BICD1: variants seen among roughly 807,000 people sequenced by gnomAD.
The protein encoded by BICD1 is protein bicaudal D homolog 1.
BICD1 carries 35 observed loss-of-function variants against 92.5 expected under a neutral mutation model. That is an observed-to-expected ratio of 0.38 (90% CI 0.29 to 0.50). BICD1 has a LOEUF of 0.50. Ranked by LOEUF, BICD1 falls within the 20% of genes least tolerant of loss-of-function variation. The probability of loss-of-function intolerance (pLI) is 0.93; values close to 1 mark genes in which losing one functional copy is unlikely to be tolerated. For missense variants in BICD1, 950 were observed against 1,189.8 expected, an observed-to-expected ratio of 0.80 and a Z score of 2.97; for synonymous variants, 429 against 465.1, an observed-to-expected ratio of 0.92 and a Z score of 1.00.
intron 2 of BICD1, among the ~76,000 whole-genome samples, chr12:32,245,390 A>C (rs150343470): frequency 6.6e-6 from 1 of 152,094 alleles, no homozygotes; most frequent in East Asian, 1.9e-4. Context: ...TCAAGTGACT[A>C]TTTGAGGCCT....
At chr12:32,202,061 T>G (rs161965) in intron 1 of BICD1, among the ~76,000 whole-genome samples, 22,398 of 152,230 alleles carry the variant, frequency 0.15, 1,927 homozygotes, top group East Asian at 0.22. Context: ...TATATAATAC[T>G]TATGGAACAG....
intron 3 of BICD1, among the ~76,000 whole-genome samples, chr12:32,303,944 G>A (rs1348325036): frequency 1.3e-5 from 2 of 152,082 alleles, no homozygotes; most frequent in Admixed American, 6.5e-5. Context: ...GCGTGGTGAC[G>A]GGCACTTGTA....
chr12:32,376,015 G>C (rs919754183), intron 9 of BICD1, among the ~76,000 whole-genome samples: 6 of 151,230 alleles, frequency 4.0e-5, no homozygotes, highest in Non-Finnish European at 7.4e-5. Context: ...ATATAACAGA[G>C]TTTTAGAAAA....
intron 1 of BICD1, among the ~76,000 whole-genome samples, chr12:32,209,005 T>C (rs1945139857): frequency 6.6e-6 from 1 of 152,044 alleles, no homozygotes; most frequent in Non-Finnish European, 1.5e-5. Context: ...CGGCTAATTT[T>C]TGTATTTTTA....
chr12:32,371,035 C>T (rs985571595), intron 9 of BICD1, among the ~76,000 whole-genome samples: 1 of 151,782 alleles, frequency 6.6e-6, no homozygotes, highest in African/African-American at 2.4e-5. Flanking sequence ...TTTTTTTTTC[C>T]ACCTTGCTTG....
chr12:32,289,118 G>T (rs962366452), intron 2 of BICD1, among the ~76,000 whole-genome samples: 10 of 152,110 alleles, frequency 6.6e-5, no homozygotes, highest in Admixed American at 6.5e-4. Context: ...AAGCTCCTGC[G>T]GCCAGAGCCA....
At chr12:32,233,532 C>T (rs1359442701) in intron 2 of BICD1, among the ~76,000 whole-genome samples, 2 of 150,090 alleles carry the variant, frequency 1.3e-5, no homozygotes, top group African/African-American at 4.9e-5. Context: ...CTTCCCCCTT[C>T]CTCCTCCTTC....
In BICD1 at chr12:32,114,130, G is replaced by A. The variant is rs1010692462; in HGVS notation, c.213+6586G>A. On this transcript the variant is annotated intron_variant, in intron 1 of 9. Transcript: ENST00000652176. ...TCGTGATCCACCCACCTTGGCCTCC[G>A]AAAGTGCTGGGATTATAGGCATGAG... 3.3e-5 allele frequency among the ~76,000 whole-genome samples: 5 copies of A among 151,932 alleles called. 1 individual carries two copies. The highest frequency in any genetic ancestry group is 7.3e-5 in the African/African-American group (3 of 41,366).
intron 2 of BICD1, among the ~76,000 whole-genome samples, chr12:32,232,888 G>C (rs1323283127): frequency 6.6e-6 from 1 of 152,122 alleles, no homozygotes; most frequent in Non-Finnish European, 1.5e-5. Context: ...TAGACAATAA[G>C]AAGGGGCCGA....
intron 2 of BICD1, among the ~76,000 whole-genome samples, chr12:32,264,577 T>TC (rs753274669): frequency 9.2e-5 from 14 of 152,314 alleles, no homozygotes; most frequent in Non-Finnish European, 1.9e-4. Context: ...AACCTCTGCC[T>TC]CCTGGGTCCA....
intron 1 of BICD1, among the ~76,000 whole-genome samples, chr12:32,129,730 C>A (rs1265210643): frequency 6.6e-6 from 1 of 151,998 alleles, no homozygotes; most frequent in East Asian, 1.9e-4. Context: ...TAACCCTGTA[C>A]CCTTTTCTTT....
At chr12:32,171,494 G>A (rs1943935204) in intron 1 of BICD1, among the ~76,000 whole-genome samples, 1 of 152,194 alleles carries the variant, frequency 6.6e-6, no homozygotes, top group Non-Finnish European at 1.5e-5. Flanking sequence ...TGCAGACACA[G>A]CCTTCAGGGC....
chr12:32,273,815 G>GAAAAGGA (rs1333381980), intron 2 of BICD1, among the ~76,000 whole-genome samples: 17 of 152,194 alleles, frequency 1.1e-4, no homozygotes, highest in Non-Finnish European at 2.2e-4. Flanking sequence ...TTTATTGGGT[G>GAAAAGGA]AAAAGGAAAA....
intron 1 of BICD1, among the ~76,000 whole-genome samples, chr12:32,171,509 T>G (rs542191508): frequency 2.4e-4 from 37 of 152,312 alleles, no homozygotes; most frequent in Non-Finnish European, 3.8e-4. Context: ...CAGGGCGTTC[T>G]TCTTCTGTGG....
chr12:32,247,236 C>CAAAAAA (rs200029154), intron 2 of BICD1, among the ~76,000 whole-genome samples: 1 of 135,150 alleles, frequency 7.4e-6, no homozygotes, highest in East Asian at 2.2e-4. Context: ...GACCCTGTAT[C>CAAAAAA]AAAAAAAAAA....
chr12:32,213,743 T>C (rs913385355), intron 1 of BICD1, among the ~76,000 whole-genome samples: 4 of 152,142 alleles, frequency 2.6e-5, no homozygotes, highest in South Asian at 2.1e-4. Context: ...GTATGTCTCA[T>C]TGCTGTTGAT....
chr12:32,241,440 C>T (rs921774091), intron 2 of BICD1, among the ~76,000 whole-genome samples: 2 of 152,170 alleles, frequency 1.3e-5, no homozygotes, highest in Non-Finnish European at 2.9e-5. Flanking sequence ...AAAACACCTG[C>T]TGGATATCCT....
chr12:32,259,464 A>C (rs949629134), intron 2 of BICD1, among the ~76,000 whole-genome samples: 1 of 152,210 alleles, frequency 6.6e-6, no homozygotes, highest in African/African-American at 2.4e-5. Flanking sequence ...ATGACTTGAG[A>C]ATCTCAGTAG....
At chr12:32,132,921 TG>T (rs1942604475) in intron 1 of BICD1, among the ~76,000 whole-genome samples, 1 of 152,088 alleles carries the variant, frequency 6.6e-6, no homozygotes, top group Non-Finnish European at 1.5e-5. Flanking sequence ...AGAATCTACT[TG>T]AGGGTAAGAA....
Sources: allele counts gnomAD v4.1 joint callset (sites outside exome capture counted in the v4.1 genomes callset), GRCh38; gene constraint gnomAD v4.1.1; transcripts MANE v1.5; gene names NCBI Gene and HGNC (gene_info 2026-07-23, HGNC 2026-07-21).